CCBE1: variants seen among roughly 807,000 people sequenced by gnomAD.
CCBE1 encodes the protein collagen and calcium-binding EGF domain-containing protein 1.
A neutral mutation model predicts 50.0 loss-of-function variants in CCBE1; 37 were observed. That is an observed-to-expected ratio of 0.74 (90% CI 0.57 to 0.97). The LOEUF is 0.97. Ranked by LOEUF, CCBE1 falls within the 50% of genes least tolerant of loss-of-function variation. The pLI is 0.00. For synonymous variants in CCBE1, 234 were observed against 203.7 expected (o/e 1.15, Z -1.27); for missense variants, 538 against 523.8 (o/e 1.03, Z -0.26).
intron 2 of CCBE1, among the ~76,000 whole-genome samples, chr18:59,579,954 T>G (rs957195259): frequency 2.6e-5 from 4 of 152,134 alleles, no homozygotes; most frequent in African/African-American, 4.8e-5. Flanking sequence ...TAAGAATAAA[T>G]CACCCTGAAG....
chr18:59,553,350 A>C (rs1170835945), intron 2 of CCBE1, among the ~76,000 whole-genome samples: 1 of 152,196 alleles, frequency 6.6e-6, no homozygotes, highest in Non-Finnish European at 1.5e-5. Flanking sequence ...ACTGAACCAA[A>C]GAGGAAACTG....
intron 2 of CCBE1, among the ~76,000 whole-genome samples, chr18:59,612,612 CTG>C (rs889070457): frequency 1.2e-4 from 19 of 152,332 alleles, no homozygotes; most frequent in African/African-American, 4.6e-4. Flanking sequence ...CCTGCAGAAA[CTG>C]AGACTTGGAC....
At chr18:59,460,966 A>AATAAATAC (rs1399075398) in intron 5 of CCBE1, among the ~76,000 whole-genome samples, 1 of 150,016 alleles carries the variant, frequency 6.7e-6, no homozygotes, top group African/African-American at 2.4e-5. Flanking sequence ...TAAATAAATA[A>AATAAATAC]ATAATAAAAT....
At chr18:59,674,211 A>G (rs531302841) in intron 2 of CCBE1, among the ~76,000 whole-genome samples, 1 of 152,348 alleles carries the variant, frequency 6.6e-6, no homozygotes, top group South Asian at 2.1e-4. Context: ...AATAGCAAAG[A>G]CTTGGAACCA....
intron 2 of CCBE1, among the ~76,000 whole-genome samples, chr18:59,551,974 C>G (rs1437834032): frequency 6.6e-6 from 1 of 152,228 alleles, no homozygotes; most frequent in African/African-American, 2.4e-5. Flanking sequence ...GTGGCCTAAG[C>G]TCAGCTGGGC....
chr18:59,666,462 T>C (rs1477275484), intron 2 of CCBE1, among the ~76,000 whole-genome samples: 2 of 152,078 alleles, frequency 1.3e-5, no homozygotes, highest in Admixed American at 1.3e-4. Context: ...ACATTCTACA[T>C]AAGGATACAG....
chr18:59,523,026 T>C (rs547022740), intron 2 of CCBE1, among the ~76,000 whole-genome samples: 4 of 143,728 alleles, frequency 2.8e-5, no homozygotes, highest in South Asian at 2.3e-4. Flanking sequence ...CTCAATGTTA[T>C]AACGAAATGA....
At chr18:59,455,172 C>A in intron 5 of CCBE1, 1 of 642,616 alleles carries the variant, frequency 1.6e-6, no homozygotes, top group Non-Finnish European at 2.9e-6. Context: ...AGAAGCTGGG[C>A]TCAGCTGTTC....
At chr18:59,598,577 A>C (rs2053387869) in intron 2 of CCBE1, among the ~76,000 whole-genome samples, 2 of 152,206 alleles carry the variant, frequency 1.3e-5, no homozygotes, top group Non-Finnish European at 2.9e-5. Flanking sequence ...CTATTGAGCT[A>C]ACCAATCTAC....
chr18:59,637,320 A>G (rs141890856), intron 2 of CCBE1, among the ~76,000 whole-genome samples: 76 of 152,274 alleles, frequency 5.0e-4, no homozygotes, highest in African/African-American at 1.7e-3. Flanking sequence ...TCTTGATCCA[A>G]TGAAATTAAA....
chr18:59,682,504 C>T (rs889127996), intron 2 of CCBE1, among the ~76,000 whole-genome samples: 13 of 152,138 alleles, frequency 8.5e-5, no homozygotes, highest in African/African-American at 3.1e-4. Context: ...AACAGAGACC[C>T]CCCCCTTTAG....
intron 2 of CCBE1, among the ~76,000 whole-genome samples, chr18:59,515,676 C>G (rs17065909): frequency 6.6e-6 from 1 of 152,046 alleles, no homozygotes; most frequent in Non-Finnish European, 1.5e-5. Context: ...CTCTATGTTG[C>G]TCCCCTCTAA....
At chr18:59,597,132 A>G (rs993843129) in intron 2 of CCBE1, among the ~76,000 whole-genome samples, 3 of 152,230 alleles carry the variant, frequency 2.0e-5, no homozygotes, top group Admixed American at 6.5e-5. Context: ...TGATCAGGCT[A>G]GGGGCTTAAA....
chr18:59,501,896 T>G (rs112984702), intron 2 of CCBE1, among the ~76,000 whole-genome samples: 1 of 152,160 alleles, frequency 6.6e-6, no homozygotes, highest in Non-Finnish European at 1.5e-5. Flanking sequence ...AGCCTTGACC[T>G]TCTGGACTCC....
chr18:59,532,722 C>T (rs916391818), intron 2 of CCBE1, among the ~76,000 whole-genome samples: 1 of 152,216 alleles, frequency 6.6e-6, no homozygotes, highest in African/African-American at 2.4e-5. Flanking sequence ...CCTTCCATGC[C>T]TGCTATCTGA....
chr18:59,460,882 C>T (rs532473036), intron 5 of CCBE1, among the ~76,000 whole-genome samples: 273 of 151,724 alleles, frequency 1.8e-3, no homozygotes, highest in Middle Eastern at 3.4e-3. Flanking sequence ...TTGCAGTGAG[C>T]GGATATCGCG....
chr18:59,628,941 C>T (rs998907714), intron 2 of CCBE1, among the ~76,000 whole-genome samples: 7 of 152,194 alleles, frequency 4.6e-5, no homozygotes, highest in Non-Finnish European at 8.8e-5. Flanking sequence ...CTCTCCTCTG[C>T]TACCTCTGAG....
chr18:59,669,732 C>T (rs113996962), intron 2 of CCBE1, among the ~76,000 whole-genome samples: 162 of 152,286 alleles, frequency 1.1e-3, no homozygotes, highest in African/African-American at 3.7e-3. Context: ...CCCGAACTTC[C>T]GGAGGGGCAC....
At chr18:59,524,782 T>G (rs1295135120) in intron 2 of CCBE1, among the ~76,000 whole-genome samples, 1 of 152,208 alleles carries the variant, frequency 6.6e-6, no homozygotes, top group Non-Finnish European at 1.5e-5. Flanking sequence ...GTATGTGCTG[T>G]TCTCCTCCCT....
Sources: allele counts gnomAD v4.1 joint callset (sites outside exome capture counted in the v4.1 genomes callset), GRCh38; gene constraint gnomAD v4.1.1; transcripts MANE v1.5; gene names NCBI Gene and HGNC (gene_info 2026-07-23, HGNC 2026-07-21).